The following ST18 variants were observed in gnomAD, a reference collection of about 807,000 sequenced individuals.
ST18 encodes suppression of tumorigenicity 18 protein.
In ST18, 50 loss-of-function variants were observed where a neutral mutation model predicts 110.0. The ratio of observed to expected loss-of-function variants is 0.45; its 90% CI spans 0.36 to 0.58. The LOEUF is 0.58. Among genes scored for constraint, ST18 ranks in the 20% least tolerant of loss-of-function variants. The probability of loss-of-function intolerance (pLI) is 0.00; values close to 1 mark genes in which losing one functional copy is unlikely to be tolerated. For synonymous variants in ST18, 461 were observed against 452.4 expected (o/e 1.02, Z -0.24); for missense variants, 1,306 against 1,280.1 (o/e 1.02, Z -0.31).
At chr8:52,236,330 C>T (rs928497673) in intron 2 of ST18, among the ~76,000 whole-genome samples, 1 of 152,210 alleles carries the variant, frequency 6.6e-6, no homozygotes, top group Admixed American at 6.5e-5. Context: ...TATATCTGAA[C>T]TGAACACGGT....
chr8:52,259,138 C>T (rs1383087525), intron 2 of ST18, among the ~76,000 whole-genome samples: 2 of 152,162 alleles, frequency 1.3e-5, no homozygotes, highest in Non-Finnish European at 2.9e-5. Flanking sequence ...TTGAGGTAGT[C>T]AGTAACAGCC....
At chr8:52,294,191 A>C (rs1046639385) in intron 2 of ST18, among the ~76,000 whole-genome samples, 2 of 152,222 alleles carry the variant, frequency 1.3e-5, no homozygotes, top group Non-Finnish European at 2.9e-5. Flanking sequence ...CACATATCAT[A>C]AGTGGAAGAG....
intron 18 of ST18, 81 bp from the exon 19 acceptor site, chr8:52,136,739 A>G: frequency 1.7e-6 from 2 of 1,202,390 alleles, no homozygotes; most frequent in East Asian, 2.6e-5. Flanking sequence ...AGTCGTGAAC[A>G]TACGTTAAAT....
Position 52,172,147 on chromosome 8 carries a change from A to T in ST18, c.714T>A (p.Thr238=). Residue 238 remains threonine, a synonymous_variant, in exon 10 of 26, where the codon ACT becomes ACA. Transcript: ENST00000689386. The part of the protein sequence containing the change: ...KDLLEVPEIK[T]EGDKFIPCEN... ...CACAAGGGATAAATTTGTCACCTTC[A>T]GTTTTTATTTCAGGAACTTCCAATA... The T allele has an allele frequency of 6.2e-7, 1 of 1,614,116 alleles. No individual in the cohort carries two copies. Among genetic ancestry groups the T allele is most frequent in the Non-Finnish European group, 8.5e-7 (1 of 1,180,018 alleles).
chr8:52,165,047 T>G, intron 12 of ST18, 88 bp downstream of exon 12: 1 of 1,288,162 alleles, frequency 7.8e-7, no homozygotes, highest in Non-Finnish European at 1.1e-6. Context: ...GCAATTTTCA[T>G]CACACATTGG....
intron 2 of ST18, among the ~76,000 whole-genome samples, chr8:52,306,427 G>A (rs971495586): frequency 6.6e-6 from 1 of 152,152 alleles, no homozygotes; most frequent in African/African-American, 2.4e-5. Context: ...CTGGCATAGA[G>A]AAGACGTGCG....
chr8:52,406,158 G>A (rs1844412193), intron 2 of ST18: 1 of 152,222 alleles, frequency 6.6e-6, no homozygotes, highest in South Asian at 2.1e-4. Context: ...CTGCCTAGAT[G>A]AGGTGAAATC....
intron 2 of ST18, among the ~76,000 whole-genome samples, chr8:52,329,257 G>A (rs1455070892): frequency 6.7e-6 from 1 of 149,704 alleles, no homozygotes; most frequent in Non-Finnish European, 1.5e-5. Context: ...TTCTGTGTGT[G>A]TGTGTCTCCA....
intron 8 of ST18, among the ~76,000 whole-genome samples, chr8:52,204,757 C>T (rs1207037510): frequency 2.0e-5 from 3 of 152,192 alleles, no homozygotes; most frequent in Non-Finnish European, 4.4e-5. Flanking sequence ...AGTCAATCCT[C>T]ACATGCAGCC....
intron 3 of ST18, chr8:52,229,722 G>A (rs2090733786): frequency 1.3e-5 from 2 of 152,190 alleles, no homozygotes; most frequent in Non-Finnish European, 2.9e-5. Flanking sequence ...ATATTTTGGG[G>A]AGGGGTACTT....
intron 8 of ST18, among the ~76,000 whole-genome samples, chr8:52,198,545 G>A (rs537135120): frequency 6.3e-4 from 96 of 152,120 alleles, no homozygotes; most frequent in Non-Finnish European, 1.2e-3. Flanking sequence ...AACAGAACTC[G>A]CTAACATACT....
At chr8:52,119,682 C>A (rs1441502845) in intron 23 of ST18, among the ~76,000 whole-genome samples, 12 of 152,112 alleles carry the variant, frequency 7.9e-5, no homozygotes, top group Non-Finnish European at 1.5e-5. Flanking sequence ...AAAAGCACAA[C>A]TTGAAAGGAA....
At chr8:52,184,740 G>C (rs2071306085) in intron 8 of ST18, among the ~76,000 whole-genome samples, 2 of 152,114 alleles carry the variant, frequency 1.3e-5, no homozygotes, top group Non-Finnish European at 2.9e-5. Flanking sequence ...TTAAAATGTA[G>C]GTTCAGCAAT....
In ST18 at chr8:52,267,496, A is replaced by AC. The variant is rs2094912585; in HGVS notation, c.-464-37420_-464-37419insG. Among the ~76,000 whole-genome samples, 12 of 151,246 alleles carry AC rather than the reference A, an allele frequency of 7.9e-5. 1 individual carries two copies. In the South Asian group the frequency reaches 2.1e-3, roughly 26 times the overall value. On this transcript the variant is annotated intron_variant, in intron 2 of 25. Transcript: ENST00000689386. ...TCAGAGATAAGCTAAAAAAAAAAAA[A>AC]AAAAAAAACCCAAAACCCTCTACAC...
chr8:52,125,998 GA>G, intron 23 of ST18, 53 bp downstream of exon 23: 1 of 1,431,148 alleles, frequency 7.0e-7, no homozygotes, highest in Non-Finnish European at 9.7e-7. Context: ...ACGCTTTGGG[GA>G]GCCAGGGTCT....
chr8:52,332,088 A>G (rs1809727892), intron 2 of ST18, among the ~76,000 whole-genome samples: 1 of 152,114 alleles, frequency 6.6e-6, no homozygotes, highest in Non-Finnish European at 1.5e-5. Flanking sequence ...AAACAAATAT[A>G]TAAAATAAAT....
At position 52,299,057 on chromosome 8, in the gene ST18, T is replaced by C. The variant is rs1240051150; in HGVS notation, c.-464-68980A>G. Among the ~76,000 whole-genome samples, 4 of 152,338 alleles carry C rather than the reference T, an allele frequency of 2.6e-5. No homozygotes were observed. In the East Asian group the frequency reaches 7.7e-4, roughly 29 times the overall value. On this transcript the variant is annotated intron_variant, in intron 2 of 25. Coordinates refer to ENST00000689386, the MANE Select transcript of ST18 (RefSeq NM_001352837.2). Reference sequence around the variant, plus strand: ...TTTGGGCCTTGGTATCTTTCAACAATTCAGTAAAATTCCCAGTGATTATAT... The same window carrying C: ...TTTGGGCCTTGGTATCTTTCAACAACTCAGTAAAATTCCCAGTGATTATAT...
At chr8:52,369,421 G>A (rs1420947503) in intron 2 of ST18, among the ~76,000 whole-genome samples, 6 of 152,312 alleles carry the variant, frequency 3.9e-5, no homozygotes, top group East Asian at 1.9e-4. Context: ...TGTGGATGAC[G>A]TGGTAAGCCA....
intron 2 of ST18, among the ~76,000 whole-genome samples, chr8:52,289,869 C>T (rs531350020): frequency 1.3e-5 from 2 of 151,916 alleles, no homozygotes; most frequent in Non-Finnish European, 2.9e-5. Context: ...CGGTGCTAGG[C>T]TCTTTGACAA....
Sources: allele counts gnomAD v4.1 joint callset (sites outside exome capture counted in the v4.1 genomes callset), GRCh38; gene constraint gnomAD v4.1.1; transcripts MANE v1.5; gene names NCBI Gene and HGNC (gene_info 2026-07-23, HGNC 2026-07-21).